The following PREX2 variants were observed in gnomAD, a reference collection of about 807,000 sequenced individuals.
PREX2 encodes the protein phosphatidylinositol-3,4,5-trisphosphate dependent Rac exchange factor 2.
PREX2 carries 107 observed loss-of-function variants against 203.2 expected under a neutral mutation model. The ratio of observed to expected loss-of-function variants is 0.53; its 90% CI spans 0.45 to 0.62. The LOEUF is 0.62. PREX2 is among the 20% of genes least tolerant of loss of function. PREX2 has a pLI of 0.00. For synonymous variants in PREX2, 672 were observed against 663.6 expected (o/e 1.01, Z -0.19); for missense variants, 1,777 against 1,955.9 (o/e 0.91, Z 1.72).
At chr8:68,160,639 T>C (rs536643225) in intron 35 of PREX2, among the ~76,000 whole-genome samples, 27 of 152,232 alleles carry the variant, frequency 1.8e-4, no homozygotes, top group African/African-American at 6.5e-4. Flanking sequence ...TGAAATGTGA[T>C]TTGAGGAAGT....
chr8:67,969,962 A>G (rs1050073307), intron 1 of PREX2, among the ~76,000 whole-genome samples: 4 of 152,184 alleles, frequency 2.6e-5, no homozygotes, highest in African/African-American at 9.7e-5. Context: ...GAAAATTTCT[A>G]TAATTTCTAA....
chr8:68,004,495 C>A (rs1807035088), intron 1 of PREX2, among the ~76,000 whole-genome samples: 1 of 152,184 alleles, frequency 6.6e-6, no homozygotes, highest in Admixed American at 6.5e-5. Flanking sequence ...GGCATCACAC[C>A]TGTGTGCATC....
At chr8:68,040,345 C>T (rs73267946) in intron 7 of PREX2, among the ~76,000 whole-genome samples, 14,613 of 152,106 alleles carry the variant, frequency 0.096, 767 homozygotes, top group Middle Eastern at 0.12. Context: ...ATAAAATTCA[C>T]ACTCCTTACC....
chr8:67,993,043 C>T (rs4236955), intron 1 of PREX2, among the ~76,000 whole-genome samples: 78,378 of 151,950 alleles, frequency 0.52, 20,392 homozygotes, highest in South Asian at 0.61. Flanking sequence ...CCTTGGCTTA[C>T]GTTTGTAAGC....
intron 1 of PREX2, among the ~76,000 whole-genome samples, chr8:67,954,860 T>C (rs987582556): frequency 3.3e-5 from 5 of 152,088 alleles, no homozygotes; most frequent in African/African-American, 1.2e-4. Flanking sequence ...AACAAAATGG[T>C]ATTACTAGCT....
chr8:67,964,988 G>A (rs1384797934), intron 1 of PREX2, among the ~76,000 whole-genome samples: 1 of 152,150 alleles, frequency 6.6e-6, no homozygotes, highest in Non-Finnish European at 1.5e-5. Flanking sequence ...TGATTAATCA[G>A]GACTAGGAAA....
At chr8:67,999,309 T>A (rs1009487798) in intron 1 of PREX2, among the ~76,000 whole-genome samples, 12 of 151,748 alleles carry the variant, frequency 7.9e-5, no homozygotes, top group African/African-American at 2.7e-4. Context: ...CCTAGAGAAA[T>A]ACAAACAACC....
intron 18 of PREX2, among the ~76,000 whole-genome samples, chr8:68,087,450 A>G (rs1809726988): frequency 6.6e-6 from 1 of 152,266 alleles, no homozygotes; most frequent in African/African-American, 2.4e-5. Context: ...TCACTGGGAC[A>G]GAGAGATTGA....
intron 34 of PREX2, among the ~76,000 whole-genome samples, chr8:68,149,676 A>G (rs1037401398): frequency 9.2e-5 from 14 of 152,314 alleles, no homozygotes; most frequent in South Asian, 4.1e-4. Flanking sequence ...GGTTTTCAGT[A>G]CTTAGCTGCA....
At chr8:68,135,338 T>C (rs1256585031) in intron 32 of PREX2, among the ~76,000 whole-genome samples, 2 of 152,148 alleles carry the variant, frequency 1.3e-5, no homozygotes, top group Non-Finnish European at 2.9e-5. Flanking sequence ...ATATATTTGA[T>C]GAGTGACATA....
intron 1 of PREX2, among the ~76,000 whole-genome samples, chr8:67,997,105 A>G (rs568103695): frequency 6.6e-6 from 1 of 152,266 alleles, no homozygotes; most frequent in African/African-American, 2.4e-5. Context: ...TGCTATGCCC[A>G]TTGTGTTTAT....
chr8:68,199,223 C>T (rs1812457288), intron 37 of PREX2, among the ~76,000 whole-genome samples: 1 of 152,146 alleles, frequency 6.6e-6, no homozygotes, highest in South Asian at 2.1e-4. Context: ...GAAAGTCTGG[C>T]AAGACCAGCC....
intron 1 of PREX2, among the ~76,000 whole-genome samples, chr8:67,992,737 A>G (rs913783793): frequency 6.6e-6 from 1 of 152,218 alleles, no homozygotes; most frequent in African/African-American, 2.4e-5. Context: ...CTTAATTTCT[A>G]TAGCCTCTGT....
intron 34 of PREX2, among the ~76,000 whole-genome samples, chr8:68,153,151 C>T (rs1811475703): frequency 6.6e-6 from 1 of 152,198 alleles, no homozygotes; most frequent in South Asian, 2.1e-4. Context: ...TAACTGGGAC[C>T]AATTCTGAGG....
chr8:68,191,934 A>G (rs1401189157), intron 36 of PREX2, 146 bp downstream of exon 36: 3 of 609,172 alleles, frequency 4.9e-6, no homozygotes, highest in South Asian at 4.6e-5. Context: ...TCTCTTCTTT[A>G]TTCATTTATT....
chr8:68,013,366 T>C (rs1585705112), intron 1 of PREX2, among the ~76,000 whole-genome samples: 1 of 152,332 alleles, frequency 6.6e-6, no homozygotes, highest in South Asian at 2.1e-4. Context: ...CTGTAAGTCC[T>C]GATCCCTCCC....
intron 1 of PREX2, among the ~76,000 whole-genome samples, chr8:67,974,772 T>G (rs1476944972): frequency 2.0e-5 from 3 of 152,242 alleles, no homozygotes; most frequent in African/African-American, 7.2e-5. Context: ...GATGATGCAG[T>G]GATATCATTT....
intron 33 of PREX2, among the ~76,000 whole-genome samples, chr8:68,142,283 C>T (rs558777682): frequency 1.3e-5 from 2 of 152,094 alleles, no homozygotes; most frequent in Admixed American, 6.6e-5. Context: ...ATTGCCTGTT[C>T]ATTCCTCCTC....
chr8:68,191,673 A>T (rs372762373), intron 35 of PREX2, 49 bp from the exon 36 acceptor site: 3 of 1,323,418 alleles, frequency 2.3e-6, no homozygotes, highest in Non-Finnish European at 2.2e-6. Context: ...CATGCATATT[A>T]TGTCTTTTCC....
Sources: allele counts gnomAD v4.1 joint callset (sites outside exome capture counted in the v4.1 genomes callset), GRCh38; gene constraint gnomAD v4.1.1; transcripts MANE v1.5; gene names NCBI Gene and HGNC (gene_info 2026-07-23, HGNC 2026-07-21).